Variants in RYR3 observed in about 807,000 individuals in gnomAD.
RYR3 encodes brain ryanodine receptor-calcium release channel.
In RYR3, 207 loss-of-function variants were observed where a neutral mutation model predicts 584.3. That is an observed-to-expected ratio of 0.35 (90% CI 0.32 to 0.40). The LOEUF is 0.40. Ranked by LOEUF, RYR3 falls within the 10% of genes least tolerant of loss-of-function variation. The pLI is 1.00. For missense variants in RYR3, 5,616 were observed against 6,089.2 expected, an observed-to-expected ratio of 0.92 and a Z score of 2.59; for synonymous variants, 2,416 against 2,248.5, an observed-to-expected ratio of 1.07 and a Z score of -2.11.
intron 6 of RYR3, among the ~76,000 whole-genome samples, chr15:33,540,475 A>C (rs2141145386): frequency 6.6e-6 from 1 of 152,124 alleles, no homozygotes; most frequent in Middle Eastern, 3.4e-3. Flanking sequence ...GTGTTGGGTA[A>C]TTTTTCCCAT....
chr15:33,766,799 C>T (rs1004846458), intron 60 of RYR3, among the ~76,000 whole-genome samples: 12 of 152,194 alleles, frequency 7.9e-5, no homozygotes, highest in African/African-American at 1.2e-4. Flanking sequence ...GCCCTTTGCC[C>T]GTGGGTCTCA....
intron 38 of RYR3, among the ~76,000 whole-genome samples, chr15:33,684,788 G>A (rs1049936032): frequency 6.6e-6 from 1 of 152,212 alleles, no homozygotes; most frequent in African/African-American, 2.4e-5. Flanking sequence ...GAGGGTGGGG[G>A]CCAATATTCA....
At chr15:33,711,672 A>G (rs2067134076) in intron 43 of RYR3, among the ~76,000 whole-genome samples, 1 of 152,174 alleles carries the variant, frequency 6.6e-6, no homozygotes, top group Non-Finnish European at 1.5e-5. Flanking sequence ...GTTCTTTACT[A>G]ATGTGTAATA....
At chr15:33,720,465 G>T (rs1165092765) in intron 43 of RYR3, among the ~76,000 whole-genome samples, 2 of 152,202 alleles carry the variant, frequency 1.3e-5, no homozygotes, top group Non-Finnish European at 2.9e-5. Context: ...ACTAGATGGA[G>T]CATGCATATC....
intron 50 of RYR3, 70 bp downstream of exon 50, chr15:33,738,660 G>A (rs996101003): frequency 3.0e-5 from 46 of 1,559,172 alleles, no homozygotes; most frequent in South Asian, 9.2e-5. Context: ...AATAACAGCC[G>A]TCATCTGTTT....
chr15:33,323,117 TA>T (rs980185330), intron 1 of RYR3, among the ~76,000 whole-genome samples: 6 of 151,846 alleles, frequency 4.0e-5, no homozygotes, highest in African/African-American at 1.4e-4. Flanking sequence ...AATACATATA[TA>T]TTTTTTTCTT....
chr15:33,825,923 A>G (rs2077357066), intron 82 of RYR3: 3 of 497,024 alleles, frequency 6.0e-6, no homozygotes, highest in Admixed American at 7.2e-5. Context: ...TAGTAGAGGC[A>G]GCATTTCATC....
chr15:33,315,672 C>T (rs1968065341), intron 1 of RYR3, among the ~76,000 whole-genome samples: 1 of 152,226 alleles, frequency 6.6e-6, no homozygotes, highest in Non-Finnish European at 1.5e-5. Flanking sequence ...ACAATATCCC[C>T]TCCTTTCCAG....
At chr15:33,864,301 T>G (rs1240275933) in intron 103 of RYR3, 112 bp downstream of exon 103, 4 of 807,246 alleles carry the variant, frequency 5.0e-6, no homozygotes, top group African/African-American at 3.5e-5. Context: ...ATCCCGTGAA[T>G]GCATTTTCCC....
chr15:33,699,171 G>A (rs2066079039), intron 40 of RYR3, among the ~76,000 whole-genome samples: 1 of 151,900 alleles, frequency 6.6e-6, no homozygotes, highest in Non-Finnish European at 1.5e-5. Context: ...CAGGGCACTT[G>A]GGCTTTGATA....
At chr15:33,468,054 C>T (rs1342438935) in intron 1 of RYR3, among the ~76,000 whole-genome samples, 1 of 152,090 alleles carries the variant, frequency 6.6e-6, no homozygotes, top group Non-Finnish European at 1.5e-5. Flanking sequence ...CCGTTTGGTG[C>T]CATGGTAGAG....
intron 103 of RYR3, 140 bp downstream of exon 103, chr15:33,864,329 CAAT>C: frequency 3.1e-6 from 2 of 645,194 alleles, no homozygotes; most frequent in Non-Finnish European, 5.3e-6. Flanking sequence ...TTTTGTGACT[CAAT>C]AAGAAGCCAA....
chr15:33,545,567 A>G (rs942857690), intron 8 of RYR3, among the ~76,000 whole-genome samples: 1 of 152,174 alleles, frequency 6.6e-6, no homozygotes, highest in African/African-American at 2.4e-5. Context: ...GACTGGGGTA[A>G]GTGAGCAGCT....
intron 20 of RYR3, among the ~76,000 whole-genome samples, chr15:33,624,899 T>C (rs192969575): frequency 3.3e-5 from 5 of 152,238 alleles, no homozygotes; most frequent in Non-Finnish European, 7.3e-5. Flanking sequence ...TTCTCTAGCA[T>C]GCATTTTTCC....
intron 5 of RYR3, among the ~76,000 whole-genome samples, chr15:33,538,688 G>A (rs2055545346): frequency 6.6e-6 from 1 of 152,162 alleles, no homozygotes; most frequent in African/African-American, 2.4e-5. Context: ...TTCGCAGGTA[G>A]CTGGTGCTTC....
At chr15:33,707,885 G>C (rs2066829323) in intron 43 of RYR3, among the ~76,000 whole-genome samples, 1 of 152,004 alleles carries the variant, frequency 6.6e-6, no homozygotes. Context: ...TGCTTTTCTT[G>C]TTGTCTCTCT....
intron 64 of RYR3, among the ~76,000 whole-genome samples, chr15:33,775,866 C>G (rs1396918658): frequency 6.6e-6 from 1 of 152,286 alleles, no homozygotes; most frequent in Non-Finnish European, 1.5e-5. Flanking sequence ...CCCTTAAAAC[C>G]CCTATATTCA....
intron 1 of RYR3, among the ~76,000 whole-genome samples, chr15:33,379,689 A>C (rs78863236): frequency 0.23 from 19,514 of 86,626 alleles, 1,465 homozygotes; most frequent in East Asian, 0.37. Flanking sequence ...CTCTCTCTCT[A>C]TATATATATA....
chr15:33,839,551 C>T (rs2078235360), intron 89 of RYR3: 2 of 152,446 alleles, frequency 1.3e-5, no homozygotes, highest in African/African-American at 2.4e-5. Flanking sequence ...ATCCAATTCA[C>T]AGTGTCATTC....
Sources: allele counts gnomAD v4.1 joint callset (sites outside exome capture counted in the v4.1 genomes callset), GRCh38; gene constraint gnomAD v4.1.1; transcripts MANE v1.5; gene names NCBI Gene and HGNC (gene_info 2026-07-23, HGNC 2026-07-21).